Variants in LILRB3 observed in about 807,000 individuals in gnomAD.
LILRB3 encodes leukocyte immunoglobulin-like receptor subfamily B member 3.
LILRB3 carries 32 observed loss-of-function variants against 68.2 expected under a neutral mutation model. The observed-to-expected ratio is 0.47, with a 90% CI of 0.35 to 0.63. The LOEUF is 0.63. Among genes scored for constraint, LILRB3 ranks in the 30% least tolerant of loss-of-function variants. LILRB3 has a pLI of 0.00. For missense variants in LILRB3, 502 were observed against 791.3 expected (o/e 0.63, Z 4.39); for synonymous variants, 185 against 323.1 (o/e 0.57, Z 4.58).
At position 54,217,156 on chromosome 19, in the gene LILRB3, A is replaced by T. The variant is rs142952005; in HGVS notation, c.1833T>A (p.Pro611=). ...CTGGAGGTTCCCCTTCCTGGGATGG[A>T]GGAGGCTCAGTTGCCTTCCGTCTAA... The change falls in exon 13 of 13, where the codon CCT becomes CCA. Residue 611 remains proline (P), a synonymous_variant. Coordinates refer to ENST00000445347, the Ensembl canonical transcript of LILRB3. 4 of 1,613,270 alleles carry T rather than the reference A, an allele frequency of 2.5e-6. No individual in the cohort carries two copies. The African/African-American group carries it at 4.0e-5, about 16-fold the overall frequency.
At chr19:54,219,495 C>T (rs1452077811) in intron 7 of LILRB3, 2 of 1,550,276 alleles carry the variant, frequency 1.3e-6, no homozygotes. Flanking sequence ...GACCTGCAGC[C>T]CTTGTTCCTG....
chr19:54,218,068 C>T lies in LILRB3; in HGVS notation c.1593+293G>A, dbSNP rs1387904734. ...CTGGATGAATGAATGAAGAGGAGCC[C>T]AGGGGACGGAGGTGGTTCATTTATT... On this transcript the variant is annotated intron_variant, in intron 11 of 12. Transcript: ENST00000445347. Among the ~76,000 whole-genome samples, 2 of 144,918 alleles carry T rather than the reference C, an allele frequency of 1.4e-5. 1 individual carries two copies. Among genetic ancestry groups the T allele is most frequent in the Non-Finnish European group, 3.0e-5 (2 of 66,800 alleles).
intron 10 of LILRB3, 74 bp downstream of exon 10, chr19:54,218,571 C>T (rs2077724777): frequency 1.9e-6 from 3 of 1,610,614 alleles, no homozygotes. Flanking sequence ...CTTCCCAGCC[C>T]CTCCCTGTTG....
At chr19:54,218,774 G>T in exon 9 of LILRB3, 1 of 1,614,110 alleles carries the variant, frequency 6.2e-7, no homozygotes, top group Non-Finnish European at 8.5e-7. Flanking sequence ...TCCTCAGCAG[G>T]CCCCTGTCCT....
At chr19:54,219,348 A>G (rs2077839679) in intron 7 of LILRB3, 103 bp from the exon 8 acceptor site, 16 of 1,477,562 alleles carry the variant, frequency 1.1e-5, no homozygotes, top group Non-Finnish European at 1.5e-5. Flanking sequence ...CAACCCTCAC[A>G]AGCAGTCGTG....
chr19:54,219,516 G>A (rs112492538), intron 7 of LILRB3: 25 of 1,550,210 alleles, frequency 1.6e-5, no homozygotes, highest in African/African-American at 5.5e-5. Flanking sequence ...CACCAGAGCC[G>A]AGACCCGGAG....
At chr19:54,217,208 G>T in exon 13 of LILRB3, 1 of 1,612,724 alleles carries the variant, frequency 6.2e-7, no homozygotes, top group Non-Finnish European at 8.5e-7. Context: ...CTGGGCGTAG[G>T]TCACATCCTG....
At chr19:54,218,781 T>C in exon 9 of LILRB3, 1 of 1,614,110 alleles carries the variant, frequency 6.2e-7, no homozygotes, top group Non-Finnish European at 8.5e-7. Flanking sequence ...CAGGCCCCTG[T>C]CCTTGGGCTC....
rs750778400 is a variant in LILRB3, at chr19:54,219,121, C to T, written c.1426+8G>A. 1 of 1,585,968 alleles carries T rather than the reference C, an allele frequency of 6.3e-7. No homozygotes were observed. Among genetic ancestry groups the T allele is most frequent in the Non-Finnish European group, 8.6e-7 (1 of 1,167,520 alleles). On this transcript the variant is annotated splice_region_variant and intron_variant, in intron 8 of 12. Transcript: ENST00000445347. ...GTCGACCCATGGGTCCCCCGCTTCC[C>T]TACTCACCAGATGTCCTGTGTTTGC...
At chr19:54,220,168 C>T (rs760688592) in exon 7 of LILRB3, 18 of 1,500,726 alleles carry the variant, frequency 1.2e-5, no homozygotes, top group East Asian at 7.5e-5. Context: ...GTGTGGAGGG[C>T]GGCCCTGTGG....
chr19:54,218,715 G>A, intron 9 of LILRB3, 33 bp from the exon 10 acceptor site: 3 of 1,614,168 alleles, frequency 1.9e-6, no homozygotes, highest in Non-Finnish European at 8.5e-7. Context: ...GAGGGGCAGT[G>A]TATGGGCTGT....
rs540913661 is a variant in LILRB3, at chr19:54,219,529, G to A, written c.1310-284C>T. 2.8e-5 allele frequency: 43 copies of A among 1,550,310 alleles called. No homozygotes were observed. The South Asian group carries it at 3.3e-4, about 12-fold the overall frequency. The stretch of plus-strand genomic sequence containing the variant: ...TGCACCAGAGCCGAGACCCGGAGCT[G>A]CAGGGAAAGAGCCTGACCGTCCTGA... On this transcript the variant is annotated intron_variant, in intron 7 of 12. Coordinates refer to ENST00000445347, the Ensembl canonical transcript of LILRB3.
exon 4 of LILRB3, chr19:54,222,026 C>T (rs2078231553): frequency 6.2e-7 from 1 of 1,611,076 alleles, no homozygotes. Context: ...TTCATCAGAA[C>T]AAAATGGTGA....
At chr19:54,219,737 G>A in intron 7 of LILRB3, 1 of 1,480,866 alleles carries the variant, frequency 6.8e-7, no homozygotes, top group Non-Finnish European at 9.0e-7. Flanking sequence ...CTTTACACTT[G>A]GAGAAACTGA....
intron 5 of LILRB3, 117 bp downstream of exon 5, chr19:54,220,966 G>A: frequency 9.3e-7 from 1 of 1,077,102 alleles, no homozygotes; most frequent in Non-Finnish European, 1.2e-6. Flanking sequence ...CCCTGTCTCT[G>A]TCTGTCTCTC....
exon 12 of LILRB3, chr19:54,217,360 T>C: frequency 6.3e-7 from 1 of 1,588,866 alleles, no homozygotes. Flanking sequence ...TGTCTGTCCT[T>C]TGTGTCCAGG....
chr19:54,217,150 G>A (rs756122244), exon 13 of LILRB3: 8 of 1,614,108 alleles, frequency 5.0e-6, no homozygotes, highest in Non-Finnish European at 5.9e-6. Context: ...CCCCTTCCTG[G>A]GATGGAGGAG....
chr19:54,219,412 T>G, intron 7 of LILRB3, 167 bp from the exon 8 acceptor site: 1 of 1,478,080 alleles, frequency 6.8e-7, no homozygotes, highest in Non-Finnish European at 9.3e-7. Flanking sequence ...AAACTGAGGC[T>G]CAGAGCAGGG....
chr19:54,219,953 G>A (rs2885369), intron 7 of LILRB3: 231,112 of 1,139,740 alleles, frequency 0.2, 54,182 homozygotes, highest in East Asian at 0.45. Context: ...GGCTGGGGCT[G>A]TCTTGCCCCC....
Sources: allele counts gnomAD v4.1 joint callset (sites outside exome capture counted in the v4.1 genomes callset), GRCh38; gene constraint gnomAD v4.1.1; transcripts MANE v1.5; gene names NCBI Gene and HGNC (gene_info 2026-07-23, HGNC 2026-07-21).